CUL3: variants seen among roughly 807,000 people sequenced by gnomAD.
The protein encoded by CUL3 is cullin-3.
CUL3 carries 19 observed loss-of-function variants against 89.1 expected under a neutral mutation model. The observed-to-expected ratio is 0.21, with a 90% CI of 0.15 to 0.31. The LOEUF (loss-of-function observed/expected upper bound fraction) is 0.31. Among genes scored for constraint, CUL3 ranks in the 10% least tolerant of loss-of-function variants. The pLI, the probability that CUL3 is intolerant of heterozygous loss-of-function variation, is 1.00. For synonymous variants in CUL3, 351 were observed against 308.4 expected, an observed-to-expected ratio of 1.14 and a Z score of -1.45; for missense variants, 469 against 942.3, an observed-to-expected ratio of 0.50 and a Z score of 6.58.
At chr2:224,490,032 T>C (rs959429910) in intron 13 of CUL3, among the ~76,000 whole-genome samples, 3 of 152,178 alleles carry the variant, frequency 2.0e-5, no homozygotes, top group African/African-American at 7.2e-5. Context: ...CATCAAAAAG[T>C]GGACAAAGGA....
At chr2:224,497,875 G>A (rs1490701337) in intron 11 of CUL3, 26 bp from the exon 12 acceptor site, 1 of 1,560,032 alleles carries the variant, frequency 6.4e-7, no homozygotes, top group Non-Finnish European at 8.8e-7. Flanking sequence ...CCAGGTTTTA[G>A]AAAATCAAAC....
At chr2:224,563,912 T>A (rs997509024) in intron 1 of CUL3, among the ~76,000 whole-genome samples, 3 of 152,170 alleles carry the variant, frequency 2.0e-5, no homozygotes, top group African/African-American at 7.2e-5. Flanking sequence ...ATAAAGTGCT[T>A]CCTTTAAGTG....
At chr2:224,520,754 A>G (rs1367993325) in intron 3 of CUL3, among the ~76,000 whole-genome samples, 3 of 152,148 alleles carry the variant, frequency 2.0e-5, no homozygotes, top group Non-Finnish European at 4.4e-5. Context: ...CGAGGACACC[A>G]ACAAACAAAA....
chr2:224,560,095 G>GA (rs1694857118), intron 1 of CUL3, among the ~76,000 whole-genome samples: 1 of 151,406 alleles, frequency 6.6e-6, no homozygotes, highest in African/African-American at 2.4e-5. Context: ...AAAAGAAGAA[G>GA]AAAAAAAAGA....
At chr2:224,505,141 T>C (rs1273076050) in intron 8 of CUL3, among the ~76,000 whole-genome samples, 1 of 151,198 alleles carries the variant, frequency 6.6e-6, no homozygotes, top group African/African-American at 2.4e-5. Context: ...TTGTTCAGTT[T>C]TTTTTTTTTT....
chr2:224,557,624 T>C (rs200367679), intron 2 of CUL3, 35 bp downstream of exon 2: 8 of 1,424,198 alleles, frequency 5.6e-6, no homozygotes, highest in Middle Eastern at 2.4e-4. Flanking sequence ...CTACATTCAA[T>C]ATAGTATTAG....
chr2:224,483,999 G>A (rs984754119), intron 13 of CUL3, among the ~76,000 whole-genome samples: 7 of 152,020 alleles, frequency 4.6e-5, no homozygotes, highest in African/African-American at 1.7e-4. Context: ...AAATCAGCCT[G>A]GTCAACATAG....
At chr2:224,569,305 C>A (rs1372816987) in intron 1 of CUL3, among the ~76,000 whole-genome samples, 1 of 152,108 alleles carries the variant, frequency 6.6e-6, no homozygotes, top group Admixed American at 6.5e-5. Context: ...ATCTAATTAT[C>A]AGATGTATAC....
chr2:224,577,384 C>T (rs1361363690), intron 1 of CUL3, among the ~76,000 whole-genome samples: 9 of 152,024 alleles, frequency 5.9e-5, no homozygotes, highest in Non-Finnish European at 8.8e-5. Context: ...CTGGCTAACA[C>T]GGTGAAACCC....
intron 15 of CUL3, among the ~76,000 whole-genome samples, chr2:224,475,193 A>C (rs1298439786): frequency 6.6e-6 from 1 of 151,890 alleles, no homozygotes; most frequent in East Asian, 1.9e-4. Context: ...AATTTTTTGT[A>C]CTTTTAGTAG....
At chr2:224,498,179 C>T (rs1692240041) in intron 11 of CUL3, among the ~76,000 whole-genome samples, 2 of 152,170 alleles carry the variant, frequency 1.3e-5, no homozygotes, top group African/African-American at 2.4e-5. Context: ...TCAATTTGTT[C>T]TAAGTCAGTA....
Position 224,473,613 on chromosome 2 carries a change from G to C in CUL3, c.*632C>G, listed in dbSNP as rs539421515. On this transcript the variant is annotated 3_prime_UTR_variant, in exon 16 of 16. Transcript: ENST00000264414. The stretch of plus-strand genomic sequence containing the variant: ...TTGGGAAATCTCAAATTACAACAGG[G>C]AGAAACCAAATCAGGATGTGTACTT... The C allele has an allele frequency of 1.4e-4, 26 of 186,564 alleles. No individual in the cohort carries two copies. The East Asian group carries it at 2.0e-3, about 14-fold the overall frequency. The allele number at this position is 186,564 out of a possible 1,614,324, so 11.6% of individuals were successfully genotyped here. A position where few individuals can be genotyped will look rare whatever the true frequency, so the allele number is the denominator to read the frequency against.
At chr2:224,477,343 G>T (rs1691358224) in intron 15 of CUL3, among the ~76,000 whole-genome samples, 4 of 152,302 alleles carry the variant, frequency 2.6e-5, no homozygotes, top group South Asian at 4.1e-4. Context: ...GTGAAAACCA[G>T]TGCTCTAAAG....
intron 14 of CUL3, chr2:224,478,855 C>T: frequency 6.6e-6 from 1 of 152,218 alleles, no homozygotes; most frequent in South Asian, 2.1e-4. Context: ...TTAAAAGTAC[C>T]ACTAGGATGT....
In CUL3 at chr2:224,513,624, T is replaced by C. The variant is rs1574645889; in HGVS notation, c.554A>G (p.Asn185Ser). The C allele has an allele frequency of 6.3e-7, 1 of 1,591,364 alleles. No individual in the cohort carries two copies. Among genetic ancestry groups the C allele is most frequent in the Non-Finnish European group, 8.5e-7 (1 of 1,173,752 alleles). Residue 185 changes from asparagine (N) to serine (S), a missense_variant, in exon 5 of 16, where the codon AAT becomes AGT. Physicochemically the swap from Asn to Ser is conservative, Grantham distance 46. Transcript: ENST00000264414. The stretch of plus-strand genomic sequence containing the variant: ...TAAAATCATTAACATCTGGCAAGCA[T>C]TTCTTATTGCGCCTCTGTCGAAAAA... ...GEVVDRGAIR[N>S]ACQMLMILGL...
intron 3 of CUL3, among the ~76,000 whole-genome samples, chr2:224,534,777 T>C (rs1403077065): frequency 2.0e-5 from 3 of 152,036 alleles, no homozygotes; most frequent in South Asian, 2.1e-4. Context: ...GGTCAGGAGA[T>C]AGAGACCATC....
At chr2:224,513,845 C>T (rs1362968326) in intron 4 of CUL3, among the ~76,000 whole-genome samples, 1 of 152,168 alleles carries the variant, frequency 6.6e-6, no homozygotes, top group African/African-American at 2.4e-5. Flanking sequence ...CTATTTCTCT[C>T]AAGGTGTTCT....
At chr2:224,573,984 A>T (rs935680108) in intron 1 of CUL3, among the ~76,000 whole-genome samples, 1 of 152,150 alleles carries the variant, frequency 6.6e-6, no homozygotes, top group Non-Finnish European at 1.5e-5. Flanking sequence ...AGAAAAAGGA[A>T]TTTTTCACCA....
At chr2:224,582,912 G>A (rs1373919154) in intron 1 of CUL3, among the ~76,000 whole-genome samples, 1 of 152,174 alleles carries the variant, frequency 6.6e-6, no homozygotes, top group Non-Finnish European at 1.5e-5. Context: ...ACCTGAAGAG[G>A]TCAAAGAGTT....
Sources: gnomAD v4.1 joint callset for allele counts (sites outside exome capture counted in the v4.1 genomes callset) on GRCh38, gnomAD v4.1.1 for gene constraint, MANE v1.5 for transcripts, NCBI Gene and HGNC (gene_info 2026-07-23, HGNC 2026-07-21) for gene names.